Variants in N4BP2L2 observed in about 807,000 individuals in gnomAD.
The protein encoded by N4BP2L2 is NEDD4 binding protein 2 like 2.
Under a neutral mutation model 56.2 loss-of-function variants are expected in N4BP2L2, and 50 were observed. The observed-to-expected ratio is 0.89, with a 90% confidence interval of 0.71 to 1.13. The LOEUF (loss-of-function observed/expected upper bound fraction) is 1.13. Ranked by LOEUF, N4BP2L2 falls within the 50% of genes most tolerant of loss-of-function variation. The pLI is 0.00. For missense variants in N4BP2L2, 689 were observed against 693.8 expected, an observed-to-expected ratio of 0.99 and a Z score of 0.08; for synonymous variants, 203 against 223.6, an observed-to-expected ratio of 0.91 and a Z score of 0.82.
chr13:32,455,615 C>T (rs1286377766), intron 6 of N4BP2L2, among the ~76,000 whole-genome samples: 2 of 152,212 alleles, frequency 1.3e-5, no homozygotes, highest in East Asian at 1.9e-4. Flanking sequence ...AAGCATTCCA[C>T]CAGGGGCCTG....
At chr13:32,475,168 C>A (rs946699674) in intron 6 of N4BP2L2, among the ~76,000 whole-genome samples, 1 of 152,124 alleles carries the variant, frequency 6.6e-6, no homozygotes, top group Admixed American at 6.6e-5. Flanking sequence ...CAGGTCAGAG[C>A]AAATGTAGAT....
chr13:32,527,664 A>T, intron 2 of N4BP2L2, 132 bp from the exon 3 acceptor site: 17 of 971,594 alleles, frequency 1.7e-5, no homozygotes, highest in Non-Finnish European at 2.4e-5. Flanking sequence ...TCTGATACTT[A>T]CCTGAAAGTA....
intron 4 of N4BP2L2, 118 bp downstream of exon 4, chr13:32,522,064 C>T: frequency 1.5e-6 from 1 of 678,064 alleles, no homozygotes; most frequent in Non-Finnish European, 2.5e-6. Flanking sequence ...ACCAACAAAC[C>T]TCTTTAGAAA....
intron 6 of N4BP2L2, among the ~76,000 whole-genome samples, chr13:32,450,604 G>C (rs568429406): frequency 7.3e-5 from 11 of 150,392 alleles, no homozygotes; most frequent in Non-Finnish European, 1.6e-4. Flanking sequence ...GATTAGAGGC[G>C]TGAGCCACTG....
chr13:32,465,485 A>G (rs1262278527), intron 6 of N4BP2L2, among the ~76,000 whole-genome samples: 1 of 152,244 alleles, frequency 6.6e-6, no homozygotes, highest in Non-Finnish European at 1.5e-5. Flanking sequence ...GTTACTCAAA[A>G]TAAGAAATTT....
intron 6 of N4BP2L2, among the ~76,000 whole-genome samples, chr13:32,461,895 C>T (rs1292130115): frequency 1.3e-5 from 2 of 152,154 alleles, no homozygotes; most frequent in African/African-American, 4.8e-5. Context: ...AGCCACTACA[C>T]CTGGCCACAG....
chr13:32,529,034 A>T lies in N4BP2L2; in HGVS notation c.1260-1502T>A, dbSNP rs115171774. Among the ~76,000 whole-genome samples the T allele has an allele frequency of 2.8e-3, 431 of 152,332 alleles. 2 individuals carry two copies. Among genetic ancestry groups the T allele is most frequent in the African/African-American group, 9.7e-3 (402 of 41,560 alleles). On this transcript the variant is annotated intron_variant, in intron 2 of 5. Transcript: ENST00000267068. ...TAATACCTAATACTCTACAATGTGAATATTATGTAAATAGTTGTTATACTG... is the reference window on the plus strand; with the variant it reads ...TAATACCTAATACTCTACAATGTGATTATTATGTAAATAGTTGTTATACTG...
At chr13:32,527,612 C>T (rs2053420389) in intron 2 of N4BP2L2, 80 bp from the exon 3 acceptor site, 1 of 1,479,222 alleles carries the variant, frequency 6.8e-7, no homozygotes, top group South Asian at 1.2e-5. Flanking sequence ...ATAAATATAA[C>T]CAAGTGAAAT....
In N4BP2L2 at chr13:32,443,224, AATATTTCTGG is replaced by A; in HGVS notation, c.1258_1267del (p.Pro420Ter). The A allele has an allele frequency of 1.2e-6, 2 of 1,613,948 alleles. No individual in the cohort carries two copies. The highest frequency in any genetic ancestry group is 2.2e-5 in the South Asian group (2 of 91,068). ...ATTTCCTATCAGTAGTTTGTCTGTC[AATATTTCTGG>A]ATTGTTTCCTGGTTCTGATGCTGCC... On this transcript the variant is annotated frameshift_variant, in exon 7 of 10. Transcript: ENST00000357505. LOFTEE classifies it high-confidence loss of function.
chr13:32,441,376 T>C (rs1386832399), intron 7 of N4BP2L2, among the ~76,000 whole-genome samples: 2 of 152,142 alleles, frequency 1.3e-5, no homozygotes, highest in Admixed American at 6.5e-5. Flanking sequence ...TCAAACAAAA[T>C]AAAGGTAGAA....
At chr13:32,529,165 G>A (rs572629871) in intron 2 of N4BP2L2, among the ~76,000 whole-genome samples, 2 of 152,270 alleles carry the variant, frequency 1.3e-5, no homozygotes, top group Non-Finnish European at 2.9e-5. Flanking sequence ...CACTGATGTG[G>A]AATCAACAAA....
chr13:32,538,736 G>T, exon 1 of N4BP2L2: 1 of 985,414 alleles, frequency 1.0e-6, no homozygotes, highest in South Asian at 4.7e-5. Flanking sequence ...GGTCTGGAGG[G>T]ACTAAAAGCC....
At chr13:32,449,165 G>A (rs561709971) in intron 6 of N4BP2L2, among the ~76,000 whole-genome samples, 201 of 152,288 alleles carry the variant, frequency 1.3e-3, no homozygotes, top group Non-Finnish European at 2.4e-3. Context: ...CAGTGTAACT[G>A]CACCCTTTTG....
chr13:32,505,539 T>C (rs1233110806), downstream of N4BP2L2: 1 of 152,226 alleles, frequency 6.6e-6, no homozygotes, highest in Non-Finnish European at 1.5e-5. Context: ...CTCTTGCATC[T>C]TACTTTAAGC....
chr13:32,470,161 GC>G (rs1285900586), intron 6 of N4BP2L2, among the ~76,000 whole-genome samples: 1 of 152,178 alleles, frequency 6.6e-6, no homozygotes, highest in African/African-American at 2.4e-5. Flanking sequence ...GTTTTGCACA[GC>G]TTGGCAGCTG....
chr13:32,515,234 C>A (rs528484397), exon 6 of N4BP2L2: 2 of 151,948 alleles, frequency 1.3e-5, no homozygotes, highest in Non-Finnish European at 2.9e-5. Flanking sequence ...GAGTACAAGA[C>A]CAGTTTGGGA....
intron 6 of N4BP2L2, among the ~76,000 whole-genome samples, chr13:32,496,910 C>CTA (rs1555264234): frequency 6.6e-6 from 1 of 152,192 alleles, no homozygotes; most frequent in Non-Finnish European, 1.5e-5. Flanking sequence ...TTCAGCTACT[C>CTA]TAACAATATG....
chr13:32,444,090 G>C, exon 7 of N4BP2L2: 1 of 1,562,416 alleles, frequency 6.4e-7, no homozygotes, highest in Non-Finnish European at 8.7e-7. Flanking sequence ...GTTTGGTTTT[G>C]CTGAGCCTAT....
chr13:32,485,711 G>C (rs1297100365), intron 6 of N4BP2L2, among the ~76,000 whole-genome samples: 2 of 152,124 alleles, frequency 1.3e-5, no homozygotes, highest in Non-Finnish European at 2.9e-5. Flanking sequence ...AAAAGATGCA[G>C]AAAAAACATG....
Sources: allele counts gnomAD v4.1 joint callset (sites outside exome capture counted in the v4.1 genomes callset), GRCh38; gene constraint gnomAD v4.1.1; transcripts MANE v1.5; gene names NCBI Gene and HGNC (gene_info 2026-07-23, HGNC 2026-07-21).